The following RPH3A variants were observed in gnomAD, a reference collection of about 807,000 sequenced individuals.
RPH3A encodes the protein rabphilin-3A.
In RPH3A, 48 loss-of-function variants were observed where a neutral mutation model predicts 102.2. The observed-to-expected ratio is 0.47, with a 90% confidence interval of 0.37 to 0.60. The LOEUF (loss-of-function observed/expected upper bound fraction) is 0.60, where lower values mean the gene tolerates loss of function less well. Among genes scored for constraint, RPH3A ranks in the 20% least tolerant of loss-of-function variants. The pLI, the probability that RPH3A is intolerant of heterozygous loss-of-function variation, is 0.00. For missense variants in RPH3A, 781 were observed against 910.1 expected (o/e 0.86, Z 1.83); for synonymous variants, 310 against 324.3 (o/e 0.96, Z 0.47).
intron 1 of RPH3A, among the ~76,000 whole-genome samples, chr12:112,732,599 A>G (rs1011615339): frequency 4.6e-5 from 7 of 152,154 alleles, no homozygotes; most frequent in Non-Finnish European, 7.3e-5. Context: ...TGGGAAGGAG[A>G]GGAAGGGAGC....
chr12:112,786,672 C>T (rs538638963), intron 1 of RPH3A, among the ~76,000 whole-genome samples: 13 of 152,320 alleles, frequency 8.5e-5, no homozygotes, highest in African/African-American at 3.1e-4. Flanking sequence ...TTGTTCAGAA[C>T]AGGTTGTAGT....
chr12:112,689,289 C>T lies in RPH3A; in HGVS notation c.-139-102854C>T, dbSNP rs1214923343. Among the ~76,000 whole-genome samples the T allele has an allele frequency of 3.9e-5, 6 of 152,270 alleles. No individual in the cohort carries two copies. The South Asian group carries it at 6.2e-4, about 16-fold the overall frequency. On this transcript the variant is annotated intron_variant, in intron 1 of 21. Transcript: ENST00000543106. Reference sequence around the variant, plus strand: ...GGAGAGCCCATGCCCTATTACTTAGCCACAAGTTGAGGTTGCCAAGTGGCT... The same window carrying T: ...GGAGAGCCCATGCCCTATTACTTAGTCACAAGTTGAGGTTGCCAAGTGGCT...
At chr12:112,610,649 T>C (rs1020039425) in intron 1 of RPH3A, among the ~76,000 whole-genome samples, 4 of 151,658 alleles carry the variant, frequency 2.6e-5, no homozygotes, top group Non-Finnish European at 5.9e-5. Context: ...TATTTATTTT[T>C]GAGATGGAGT....
chr12:112,864,619 T>C (rs568761882), intron 5 of RPH3A, among the ~76,000 whole-genome samples: 1 of 152,294 alleles, frequency 6.6e-6, no homozygotes, highest in South Asian at 2.1e-4. Context: ...TCAGTGTAAC[T>C]AGAGCAATGA....
At chr12:112,618,432 ACCCTCC>A (rs976299000) in intron 1 of RPH3A, among the ~76,000 whole-genome samples, 26 of 151,940 alleles carry the variant, frequency 1.7e-4, no homozygotes, top group Admixed American at 5.9e-4. Flanking sequence ...AGTAAAGATG[ACCCTCC>A]CCCTTAGAAG....
At chr12:112,740,728 T>C (rs2040703094) in intron 1 of RPH3A, among the ~76,000 whole-genome samples, 1 of 152,250 alleles carries the variant, frequency 6.6e-6, no homozygotes, top group Admixed American at 6.5e-5. Flanking sequence ...TGCAGACATG[T>C]AATTAACACC....
chr12:112,884,268 C>T lies in RPH3A; in HGVS notation c.1436+866C>T, dbSNP rs541563025. On this transcript the variant is annotated intron_variant, in intron 16 of 21. Transcript: ENST00000389385. ...AAATCTTGCTATTTTGCTGTGTTTG[C>T]GTCAGCTCTTTTTTAAGAAATAAAG... 9.2e-5 allele frequency among the ~76,000 whole-genome samples: 14 copies of T among 152,208 alleles called. No individual in the cohort carries two copies. The South Asian group carries it at 1.0e-3, about 11-fold the overall frequency.
chr12:112,785,603 G>A (rs550270084), intron 1 of RPH3A, among the ~76,000 whole-genome samples: 50 of 152,226 alleles, frequency 3.3e-4, no homozygotes, highest in Non-Finnish European at 6.3e-4. Flanking sequence ...CCTATGTGCC[G>A]GGCTCTGCTC....
chr12:112,723,794 C>T (rs1208124433), intron 1 of RPH3A, among the ~76,000 whole-genome samples: 1 of 152,154 alleles, frequency 6.6e-6, no homozygotes, highest in African/African-American at 2.4e-5. Context: ...AAGGTGGCTA[C>T]AAAATTATTA....
intron 8 of RPH3A, chr12:112,868,857 G>C: frequency 2.7e-6 from 1 of 367,886 alleles, no homozygotes; most frequent in Non-Finnish European, 4.9e-6. Context: ...GTGTACAAGA[G>C]GTGGAAATTA....
At chr12:112,767,128 C>A (rs894497949) in intron 1 of RPH3A, among the ~76,000 whole-genome samples, 1 of 152,200 alleles carries the variant, frequency 6.6e-6, no homozygotes, top group African/African-American at 2.4e-5. Context: ...AGGGGCCCCA[C>A]AGCTTCCTCT....
chr12:112,869,931 G>A lies in RPH3A; in HGVS notation c.688G>A (p.Gly230Arg), dbSNP rs1164327966. ...CTCTGCTCCCGGGCGAGGAAACTATGGGCCTCCCGTGCGCAGGGCCTCCGA... is the reference window on the plus strand; with the variant it reads ...CTCTGCTCCCGGGCGAGGAAACTATAGGCCTCCCGTGCGCAGGGCCTCCGA... ...PASAPGRGNY[G>R]PPVRRASEAR... Residue 230 changes from glycine to arginine, a missense_variant, in exon 10 of 22, where the codon GGG (glycine) becomes AGG (arginine). This residue lies in a region of RPH3A where 730 missense variants were observed against 810.0 expected (regional missense o/e 0.90). Transcript: ENST00000389385. 1 of 1,614,136 alleles carries A rather than the reference G, an allele frequency of 6.2e-7. No individual in the cohort carries two copies. Among genetic ancestry groups the A allele is most frequent in the African/African-American group, 1.3e-5 (1 of 75,042 alleles).
chr12:112,864,241 A>C (rs2042570021), intron 5 of RPH3A, among the ~76,000 whole-genome samples: 1 of 152,186 alleles, frequency 6.6e-6, no homozygotes, highest in South Asian at 2.1e-4. Flanking sequence ...TCACAAGGTC[A>C]GGAGATCAAG....
intron 1 of RPH3A, among the ~76,000 whole-genome samples, chr12:112,634,218 G>A (rs2039829419): frequency 1.1e-5 from 1 of 94,382 alleles, no homozygotes; most frequent in Admixed American, 1.1e-4. Flanking sequence ...CGTAGTGGCG[G>A]GCGCCTGTAG....
chr12:112,584,004 ATAAAT>A (rs967407983), intron 1 of RPH3A, among the ~76,000 whole-genome samples: 12 of 152,134 alleles, frequency 7.9e-5, no homozygotes, highest in Admixed American at 3.9e-4. Flanking sequence ...AAATAAATAC[ATAAAT>A]TAAAGGGCTA....
At chr12:112,589,579 C>G (rs978272602) in intron 1 of RPH3A, among the ~76,000 whole-genome samples, 10 of 152,208 alleles carry the variant, frequency 6.6e-5, no homozygotes, top group Non-Finnish European at 1.2e-4. Context: ...CCCTGACCAA[C>G]CTGTTTAACA....
chr12:112,653,945 G>T (rs1230523024), intron 1 of RPH3A, among the ~76,000 whole-genome samples: 4 of 151,844 alleles, frequency 2.6e-5, no homozygotes, highest in Non-Finnish European at 5.9e-5. Context: ...ACACACATTA[G>T]CCTAGGCCTA....
chr12:112,671,327 A>G (rs1376392301), intron 1 of RPH3A, among the ~76,000 whole-genome samples: 3 of 152,180 alleles, frequency 2.0e-5, no homozygotes, highest in Admixed American at 2.0e-4. Flanking sequence ...GATTCCAGGC[A>G]CCTTCTACTT....
At chr12:112,697,226 G>A (rs2040359191) in intron 1 of RPH3A, among the ~76,000 whole-genome samples, 1 of 152,064 alleles carries the variant, frequency 6.6e-6, no homozygotes, top group Non-Finnish European at 1.5e-5. Flanking sequence ...AAATTCCTAA[G>A]GAATCTATTA....
Sources: allele counts gnomAD v4.1 joint callset (sites outside exome capture counted in the v4.1 genomes callset), GRCh38; gene constraint gnomAD v4.1.1; regional missense constraint gnomAD v4.1.1; transcripts MANE v1.5; gene names NCBI Gene and HGNC (gene_info 2026-07-23, HGNC 2026-07-21).